EBF1: variants seen among roughly 807,000 people sequenced by gnomAD.
The protein encoded by EBF1 is transcription factor COE1.
In EBF1, 10 loss-of-function variants were observed where a neutral mutation model predicts 68.4. The observed-to-expected ratio is 0.15, with a 90% CI of 0.09 to 0.25. The LOEUF is 0.25. EBF1 is among the 10% of genes least tolerant of loss of function. EBF1 has a pLI of 1.00. For synonymous variants in EBF1, 298 were observed against 299.8 expected, an observed-to-expected ratio of 0.99 and a Z score of 0.06; for missense variants, 509 against 794.4, an observed-to-expected ratio of 0.64 and a Z score of 4.32.
At chr5:158,944,913 G>T (rs1391181227) in intron 6 of EBF1, among the ~76,000 whole-genome samples, 1 of 152,156 alleles carries the variant, frequency 6.6e-6, no homozygotes, top group Non-Finnish European at 1.5e-5. Context: ...TTTTGATGGG[G>T]TTGTTGGTTT....
At chr5:158,847,366 C>T (rs1294564268) in intron 6 of EBF1, among the ~76,000 whole-genome samples, 2 of 152,158 alleles carry the variant, frequency 1.3e-5, no homozygotes, top group Non-Finnish European at 2.9e-5. Context: ...AGTCTTGAGA[C>T]AGTGAATAGG....
intron 6 of EBF1, among the ~76,000 whole-genome samples, chr5:159,008,157 CA>C (rs1304501475): frequency 6.6e-6 from 1 of 151,104 alleles, no homozygotes. Flanking sequence ...CAAGTGGTAC[CA>C]AAAAAAAGTA....
intron 10 of EBF1, among the ~76,000 whole-genome samples, chr5:158,748,271 C>T (rs911238867): frequency 3.3e-5 from 5 of 152,250 alleles, no homozygotes; most frequent in East Asian, 1.9e-4. Flanking sequence ...AAATGACACA[C>T]GCTTCTCCAT....
chr5:158,905,210 A>G (rs1804314235), intron 6 of EBF1, among the ~76,000 whole-genome samples: 1 of 152,214 alleles, frequency 6.6e-6, no homozygotes, highest in Non-Finnish European at 1.5e-5. Context: ...ACCTATTCAC[A>G]TAAACATTGC....
intron 6 of EBF1, among the ~76,000 whole-genome samples, chr5:158,971,619 T>C (rs1755673588): frequency 1.3e-5 from 2 of 152,118 alleles, no homozygotes; most frequent in African/African-American, 2.4e-5. Context: ...CTCTGTTTTC[T>C]AGAATAAATG....
chr5:158,748,075 C>T (rs1581553188), intron 10 of EBF1, among the ~76,000 whole-genome samples: 1 of 152,234 alleles, frequency 6.6e-6, no homozygotes, highest in East Asian at 1.9e-4. Context: ...GTAAAAGATG[C>T]CTACAGTAAA....
At chr5:158,713,216 T>C in intron 12 of EBF1, 69 bp from the exon 13 acceptor site, 1 of 1,267,832 alleles carries the variant, frequency 7.9e-7, no homozygotes, top group Non-Finnish European at 1.0e-6. Context: ...ATTTTTTCGG[T>C]GCCAGGTACC....
intron 6 of EBF1, among the ~76,000 whole-genome samples, chr5:158,988,231 C>T (rs962937448): frequency 2.0e-5 from 3 of 152,018 alleles, no homozygotes; most frequent in African/African-American, 4.8e-5. Context: ...CTGCCCAGTG[C>T]CCCCCCTTCT....
At chr5:158,833,743 C>A (rs1788119676) in intron 7 of EBF1, among the ~76,000 whole-genome samples, 2 of 152,336 alleles carry the variant, frequency 1.3e-5, no homozygotes, top group African/African-American at 4.8e-5. Flanking sequence ...ACCAGGAACA[C>A]CTGCCTTGTA....
rs574598073 is a variant in EBF1 at position 158,803,619 on chromosome 5, T to C, written c.779-7144A>G. Among the ~76,000 whole-genome samples, 14 of 152,074 alleles carry C rather than the reference T, an allele frequency of 9.2e-5. No homozygotes were observed. The East Asian group carries it at 2.5e-3, about 27-fold the overall frequency. On this transcript the variant is annotated intron_variant, in intron 8 of 15. Coordinates refer to ENST00000313708, the MANE Select transcript of EBF1 (RefSeq NM_024007.5). ...CCTGACCTGAACCATGGTACCAGAGTATGCAAACTTCACTTTCAGAATGCT... is the reference window on the plus strand; with the variant it reads ...CCTGACCTGAACCATGGTACCAGAGCATGCAAACTTCACTTTCAGAATGCT...
At chr5:158,786,829 T>C (rs2127714612) in intron 9 of EBF1, among the ~76,000 whole-genome samples, 1 of 152,186 alleles carries the variant, frequency 6.6e-6, no homozygotes, top group East Asian at 1.9e-4. Context: ...ATGGAATTAG[T>C]AAAGAAAAAT....
At chr5:158,850,879 C>G (rs1012618909) in intron 6 of EBF1, among the ~76,000 whole-genome samples, 3 of 151,706 alleles carry the variant, frequency 2.0e-5, no homozygotes, top group African/African-American at 7.3e-5. Flanking sequence ...TGGTGGCGGG[C>G]ACCTGAAATC....
chr5:158,698,966 G>C lies in EBF1; in HGVS notation c.*145C>G. 1 of 660,494 alleles carries C rather than the reference G, an allele frequency of 1.5e-6. No homozygotes were observed. Among genetic ancestry groups the C allele is most frequent in the South Asian group, 3.7e-5 (1 of 27,310 alleles). The allele number at this position is 660,494 out of a possible 1,614,324, so 40.9% of individuals were successfully genotyped here. A position where few individuals can be genotyped will look rare whatever the true frequency, so the allele number is the denominator to read the frequency against. ...CAATTTCAGTATTTGCAAGGTCGGTGATTTTGTTTGTTTAAAAATCTGCAG... is the reference window on the plus strand; with the variant it reads ...CAATTTCAGTATTTGCAAGGTCGGTCATTTTGTTTGTTTAAAAATCTGCAG... On this transcript the variant is annotated 3_prime_UTR_variant, in exon 16 of 16. Coordinates refer to ENST00000313708, the MANE Select transcript of EBF1 (RefSeq NM_024007.5).
At chr5:158,844,409 C>T (rs1790994260) in intron 6 of EBF1, among the ~76,000 whole-genome samples, 1 of 152,048 alleles carries the variant, frequency 6.6e-6, no homozygotes, top group Non-Finnish European at 1.5e-5. Flanking sequence ...AAAACAAAGA[C>T]AACAAAATTA....
intron 6 of EBF1, among the ~76,000 whole-genome samples, chr5:158,936,572 C>T (rs748485182): frequency 6.6e-6 from 1 of 152,216 alleles, no homozygotes; most frequent in Admixed American, 6.5e-5. Context: ...CCAGATAAAT[C>T]GGTGTCCCTT....
chr5:158,910,068 C>T (rs1440277241), intron 6 of EBF1, among the ~76,000 whole-genome samples: 1 of 150,842 alleles, frequency 6.6e-6, no homozygotes, highest in African/African-American at 2.4e-5. Flanking sequence ...TTCCTAATTT[C>T]CCAACTGCAT....
At chr5:158,703,868 T>C (rs888240559) in intron 15 of EBF1, among the ~76,000 whole-genome samples, 8 of 152,216 alleles carry the variant, frequency 5.3e-5, no homozygotes, top group Admixed American at 2.6e-4. Context: ...CTTTCCTTCC[T>C]CTGTACTTCC....
chr5:158,730,213 G>A (rs115975873), intron 11 of EBF1, among the ~76,000 whole-genome samples: 1,993 of 152,286 alleles, frequency 0.013, 17 homozygotes, highest in Middle Eastern at 0.031. Flanking sequence ...CAAGCTCAAC[G>A]AATTCTGTAC....
At chr5:158,766,240 T>C (rs1031686764) in intron 10 of EBF1, among the ~76,000 whole-genome samples, 2 of 152,138 alleles carry the variant, frequency 1.3e-5, no homozygotes, top group African/African-American at 2.4e-5. Context: ...AATGGTTACT[T>C]ATGGCTGAGA....
Sources: gnomAD v4.1 joint callset for allele counts (sites outside exome capture counted in the v4.1 genomes callset) on GRCh38, gnomAD v4.1.1 for gene constraint, MANE v1.5 for transcripts, NCBI Gene and HGNC (gene_info 2026-07-23, HGNC 2026-07-21) for gene names.